Variants in AQR observed in about 807,000 individuals in gnomAD.
AQR encodes the protein aquarius intron-binding spliceosomal factor.
AQR carries 61 observed loss-of-function variants against 180.5 expected under a neutral mutation model. The ratio of observed to expected loss-of-function variants is 0.34; its 90% CI spans 0.28 to 0.42. The LOEUF (loss-of-function observed/expected upper bound fraction) is 0.42, where lower values mean the gene tolerates loss of function less well. Among genes scored for constraint, AQR ranks in the 10% least tolerant of loss-of-function variants. The probability of loss-of-function intolerance (pLI) is 1.00; values close to 1 mark genes in which losing one functional copy is unlikely to be tolerated. For synonymous variants in AQR, 551 were observed against 588.8 expected (o/e 0.94, Z 0.93); for missense variants, 1,281 against 1,798.3 (o/e 0.71, Z 5.20).
chr15:34,962,906 T>A (rs2050288106), intron 2 of AQR, among the ~76,000 whole-genome samples: 1 of 152,216 alleles, frequency 6.6e-6, no homozygotes, highest in Non-Finnish European at 1.5e-5. Flanking sequence ...CCATTAAATT[T>A]ATAATGGCAA....
intron 8 of AQR, 137 bp downstream of exon 8, chr15:34,940,762 T>A: frequency 1.4e-6 from 1 of 694,216 alleles, no homozygotes; most frequent in Non-Finnish European, 2.5e-6. Flanking sequence ...TTAATGACAG[T>A]CTAGGTAAAA....
At chr15:34,902,101 G>A (rs1027860216) in intron 19 of AQR, among the ~76,000 whole-genome samples, 13 of 152,166 alleles carry the variant, frequency 8.5e-5, no homozygotes, top group Non-Finnish European at 1.8e-4. Flanking sequence ...TTTCATGGAG[G>A]AAAGTGGCAT....
intron 25 of AQR, among the ~76,000 whole-genome samples, chr15:34,885,067 TGTAAA>T (rs1893038847): frequency 2.6e-5 from 4 of 152,168 alleles, no homozygotes; most frequent in African/African-American, 9.7e-5. Context: ...TTAAAAGAAA[TGTAAA>T]GGAAAGAAAG....
chr15:34,952,791 G>T, intron 4 of AQR, 94 bp downstream of exon 4: 1 of 851,698 alleles, frequency 1.2e-6, no homozygotes, highest in Non-Finnish European at 1.8e-6. Flanking sequence ...CACAAATTTA[G>T]ATTTTCTTAG....
chr15:34,911,291 C>T (rs115951286), intron 16 of AQR, among the ~76,000 whole-genome samples: 2,031 of 152,186 alleles, frequency 0.013, 52 homozygotes, highest in African/African-American at 0.047. Flanking sequence ...ATTTTATTTC[C>T]TTTGGATAAA....
intron 3 of AQR, 33 bp from the exon 4 acceptor site, chr15:34,952,953 A>C: frequency 8.0e-7 from 1 of 1,250,380 alleles, no homozygotes; most frequent in Non-Finnish European, 1.1e-6. Context: ...AATGTTTAAA[A>C]TAGAGAATAC....
At chr15:34,953,848 G>C (rs28444764) in intron 3 of AQR, among the ~76,000 whole-genome samples, 9 of 152,168 alleles carry the variant, frequency 5.9e-5, no homozygotes, top group African/African-American at 1.9e-4. Context: ...TGGCTCATAA[G>C]ATAGAATACC....
intron 14 of AQR, among the ~76,000 whole-genome samples, chr15:34,918,688 C>G (rs1487680120): frequency 6.6e-6 from 1 of 152,212 alleles, no homozygotes; most frequent in Non-Finnish European, 1.5e-5. Context: ...CCACACATCT[C>G]AAGTTTCCAA....
chr15:34,884,949 T>A (rs1477448335), intron 25 of AQR, among the ~76,000 whole-genome samples: 1 of 152,230 alleles, frequency 6.6e-6, no homozygotes, highest in Non-Finnish European at 1.5e-5. Context: ...AAAGGCTCTT[T>A]AATAACAAAT....
intron 3 of AQR, among the ~76,000 whole-genome samples, chr15:34,956,372 C>T (rs1012230668): frequency 3.9e-5 from 6 of 151,952 alleles, no homozygotes; most frequent in Non-Finnish European, 7.4e-5. Context: ...TATTCAAGGC[C>T]GGGTGTGGTG....
chr15:34,905,873 C>T (rs949910155), intron 18 of AQR, among the ~76,000 whole-genome samples: 4 of 152,044 alleles, frequency 2.6e-5, no homozygotes, highest in Admixed American at 6.6e-5. Flanking sequence ...TCTGTCTCTA[C>T]TAAAAATACA....
In AQR at chr15:34,856,609, C is replaced by A; in HGVS notation, c.*183G>T. ...TGCTCTTCTGATTGAACAAATGAAA[C>A]TAGAATTGTTCATACACATAATTTA... is the stretch of plus-strand genomic sequence containing the variant. On this transcript the variant is annotated 3_prime_UTR_variant, in exon 35 of 35. Transcript: ENST00000156471. 1.7e-5 allele frequency: 8 copies of A among 475,540 alleles called. No individual in the cohort carries two copies. The highest frequency in any genetic ancestry group is 2.2e-5 in the Non-Finnish European group (6 of 278,984). The allele number at this position is 475,540 out of a possible 1,614,324, so 29.5% of individuals were successfully genotyped here.
chr15:34,886,450 C>T (rs1232393573), intron 25 of AQR, 76 bp downstream of exon 25: 14 of 1,468,010 alleles, frequency 9.5e-6, no homozygotes, highest in Non-Finnish European at 1.3e-5. Context: ...CATGAAGGAT[C>T]ACAAGAACTC....
intron 21 of AQR, among the ~76,000 whole-genome samples, chr15:34,897,318 G>C (rs1893261058): frequency 6.6e-6 from 1 of 152,070 alleles, no homozygotes; most frequent in African/African-American, 2.4e-5. Flanking sequence ...CTCAAATTAA[G>C]GTAGACCTCT....
At chr15:34,929,899 C>G (rs565741778) in intron 12 of AQR, among the ~76,000 whole-genome samples, 9 of 152,190 alleles carry the variant, frequency 5.9e-5, no homozygotes, top group Non-Finnish European at 1.3e-4. Flanking sequence ...AAATTTCAGT[C>G]CCATCATATG....
chr15:34,889,833 T>C (rs1291434256), intron 24 of AQR, among the ~76,000 whole-genome samples: 1 of 152,094 alleles, frequency 6.6e-6, no homozygotes, highest in Admixed American at 6.5e-5. Flanking sequence ...ACCTCCTAAT[T>C]GGCACCTAAA....
At chr15:34,876,157 CA>C (rs1399603049) in intron 27 of AQR, 151 bp from the exon 28 acceptor site, 1 of 588,186 alleles carries the variant, frequency 1.7e-6, no homozygotes, top group African/African-American at 1.9e-5. Context: ...ACACATTATT[CA>C]AACAGAAACT....
chr15:34,865,045 C>T (rs1034593616), intron 32 of AQR, among the ~76,000 whole-genome samples: 3 of 151,520 alleles, frequency 2.0e-5, no homozygotes, highest in Non-Finnish European at 2.9e-5. Flanking sequence ...AACAAACTAC[C>T]AGGCAAAAAA....
intron 32 of AQR, among the ~76,000 whole-genome samples, chr15:34,867,253 G>A (rs1892748756): frequency 6.6e-6 from 1 of 152,130 alleles, no homozygotes; most frequent in East Asian, 1.9e-4. Flanking sequence ...ACAGATACAG[G>A]AGAGATTAAG....
Sources: allele counts gnomAD v4.1 joint callset (sites outside exome capture counted in the v4.1 genomes callset), GRCh38; gene constraint gnomAD v4.1.1; transcripts MANE v1.5; gene names NCBI Gene and HGNC (gene_info 2026-07-23, HGNC 2026-07-21).